The following ZNF431 variants were observed in gnomAD, a reference collection of about 807,000 sequenced individuals.
ZNF431 encodes zinc finger protein 431.
A neutral mutation model predicts 57.0 loss-of-function variants in ZNF431; 34 were observed. The observed-to-expected ratio is 0.60, with a 90% CI of 0.45 to 0.79. ZNF431 has a LOEUF of 0.79. ZNF431 is among the 30% of genes least tolerant of loss of function. ZNF431 has a pLI of 0.00. For synonymous variants in ZNF431, 207 were observed against 220.3 expected (o/e 0.94, Z 0.54); for missense variants, 607 against 667.1 (o/e 0.91, Z 0.99).
In ZNF431 at chr19:21,179,807, G is replaced by A. The variant is rs576425006; in HGVS notation, c.320-2816G>A. ...ACTCCCGACCTCAGGTGATCTGTCC[G>A]CCTCAGCCTCCCAAAGTGCTGGGAT... is the stretch of plus-strand genomic sequence containing the variant. On this transcript the variant is annotated intron_variant, in intron 4 of 4. Transcript: ENST00000311048. Among the ~76,000 whole-genome samples, 55 of 151,606 alleles carry A rather than the reference G, an allele frequency of 3.6e-4. 2 individuals are homozygous for A. The South Asian group carries it at 0.011, about 30-fold the overall frequency.
intron 4 of ZNF431, among the ~76,000 whole-genome samples, chr19:21,171,529 G>A (rs755375737): frequency 6.6e-6 from 1 of 151,702 alleles, no homozygotes; most frequent in Non-Finnish European, 1.5e-5. Flanking sequence ...ATCACGATCA[G>A]ATTATATGTG....
At chr19:21,157,817 C>G (rs1029840594) in intron 2 of ZNF431, among the ~76,000 whole-genome samples, 1 of 151,530 alleles carries the variant, frequency 6.6e-6, no homozygotes, top group Non-Finnish European at 1.5e-5. Flanking sequence ...CGTGAGCCAC[C>G]GCACCCGGCC....
intron 4 of ZNF431, chr19:21,175,494 G>A: frequency 1.4e-6 from 1 of 693,270 alleles, no homozygotes. Context: ...ATAAGTAAAT[G>A]TGTGCTGTGG....
At chr19:21,147,622 A>G (rs958229939) in intron 2 of ZNF431, among the ~76,000 whole-genome samples, 2 of 149,968 alleles carry the variant, frequency 1.3e-5, no homozygotes, top group Admixed American at 1.3e-4. Context: ...AAAAAAAACC[A>G]TGATTGACAA....
chr19:21,143,782 G>A (rs916051680), intron 2 of ZNF431, 139 bp downstream of exon 2: 2 of 533,838 alleles, frequency 3.7e-6, no homozygotes, highest in African/African-American at 3.9e-5. Flanking sequence ...TTGTCTTAGG[G>A]GGCAGAAAGA....
At chr19:21,155,885 T>C (rs1435293419) in intron 2 of ZNF431, among the ~76,000 whole-genome samples, 1 of 152,168 alleles carries the variant, frequency 6.6e-6, no homozygotes, top group African/African-American at 2.4e-5. Flanking sequence ...GGCTCTTCTC[T>C]CCTGCACACA....
chr19:21,163,407 T>C (rs181384578), intron 2 of ZNF431, among the ~76,000 whole-genome samples: 22 of 152,326 alleles, frequency 1.4e-4, no homozygotes, highest in South Asian at 4.1e-4. Context: ...CTGCTAATAA[T>C]GAACCCAGGG....
intron 2 of ZNF431, among the ~76,000 whole-genome samples, chr19:21,145,408 C>T (rs532515375): frequency 1.3e-5 from 2 of 152,298 alleles, no homozygotes; most frequent in African/African-American, 2.4e-5. Flanking sequence ...ACCCGAGAGG[C>T]GGAGCTTACA....
Position 21,194,322 on chromosome 19 carries a change from A to G in ZNF431, c.*10288A>G, listed in dbSNP as rs1971566243. The G allele has an allele frequency of 6.6e-6, 1 of 152,242 alleles. No homozygotes were observed. Among genetic ancestry groups the G allele is most frequent in the South Asian group, 2.1e-4 (1 of 4,836 alleles). 9.4% of individuals were successfully genotyped at this position (152,242 alleles called of 1,614,324 possible). ...ACCAGGGAGGTAAAATATCTCTACA[A>G]GAACTAGAAAACATTACTGAAAGTA... On this transcript the variant is annotated 3_prime_UTR_variant, in exon 5 of 5. Coordinates refer to ENST00000311048, the MANE Select transcript of ZNF431 (RefSeq NM_133473.4).
At position 21,183,474 on chromosome 19, in the gene ZNF431, A is replaced by G. The variant is rs1971271471; in HGVS notation, c.1171A>G (p.Lys391Glu). 1 of 1,613,946 alleles carries G rather than the reference A, an allele frequency of 6.2e-7. No individual in the cohort carries two copies. The highest frequency in any genetic ancestry group is 8.5e-7 in the Non-Finnish European group (1 of 1,179,948). ...TTGGTCCTCAACCCTTACTAAACAT[A>G]AAAGAATTCATACTGGAGAGAAACC... Reference protein sequence around the residue: ...FNWSSTLTKHKRIHTGEKPYK... With the variant: ...FNWSSTLTKHERIHTGEKPYK... The change falls in exon 5 of 5, where the codon AAA (lysine) becomes GAA (glutamate). Residue 391 changes from lysine (K) to glutamate (E), a missense_variant. Transcript: ENST00000311048.
At chr19:21,177,502 C>T (rs962996068) in intron 4 of ZNF431, among the ~76,000 whole-genome samples, 9 of 151,932 alleles carry the variant, frequency 5.9e-5, no homozygotes, top group African/African-American at 2.2e-4. Flanking sequence ...ATTCTCTTGA[C>T]TAGGCCAGGC....
intron 2 of ZNF431, 27 bp from the exon 3 acceptor site, chr19:21,166,308 G>T (rs756419412): frequency 1.2e-6 from 2 of 1,607,638 alleles, no homozygotes; most frequent in South Asian, 1.1e-5. Flanking sequence ...GTAAATATAT[G>T]TGTGTCTCTG....
intron 3 of ZNF431, among the ~76,000 whole-genome samples, chr19:21,166,910 C>A (rs943946734): frequency 6.6e-6 from 1 of 152,020 alleles, no homozygotes; most frequent in South Asian, 2.1e-4. Context: ...TCACCCAGGC[C>A]GGAGTGCAAT....
intron 2 of ZNF431, among the ~76,000 whole-genome samples, chr19:21,164,476 G>C (rs1259100412): frequency 6.6e-6 from 1 of 152,138 alleles, no homozygotes; most frequent in Non-Finnish European, 1.5e-5. Flanking sequence ...TTATAAAGGA[G>C]AGAAATGCAT....
Position 21,142,071 on chromosome 19 carries a change from C to A in ZNF431, c.-113C>A, listed in dbSNP as rs965123997. On this transcript the variant is annotated 5_prime_UTR_variant, in exon 1 of 5. Coordinates refer to ENST00000311048, the MANE Select transcript of ZNF431 (RefSeq NM_133473.4). ...CGCCGCAGCCTGAGCTCCAGGTCTC[C>A]CCTTCGCTGCTCTGTGTCCTCTGCT... 2 of 1,419,708 alleles carry A rather than the reference C, an allele frequency of 1.4e-6. No individual in the cohort carries two copies. The highest frequency in any genetic ancestry group is 2.0e-6 in the Non-Finnish European group (2 of 1,013,596). 87.9% of individuals were successfully genotyped at this position (1,419,708 alleles called of 1,614,324 possible). A position where few individuals can be genotyped will look rare whatever the true frequency, so the allele number is the denominator to read the frequency against.
At chr19:21,148,250 C>T (rs1055096302) in intron 2 of ZNF431, among the ~76,000 whole-genome samples, 3 of 152,246 alleles carry the variant, frequency 2.0e-5, no homozygotes, top group East Asian at 1.9e-4. Context: ...CCGCCTTGGC[C>T]TCCCAAAGTG....
chr19:21,170,768 G>C (rs1970864894), intron 4 of ZNF431, among the ~76,000 whole-genome samples: 1 of 151,870 alleles, frequency 6.6e-6, no homozygotes, highest in Non-Finnish European at 1.5e-5. Flanking sequence ...GCACCTCCCA[G>C]GTTATAGCTA....
In ZNF431 at chr19:21,189,966, A is replaced by G; in HGVS notation, c.*5932A>G. On this transcript the variant is annotated 3_prime_UTR_variant, in exon 5 of 5. Transcript: ENST00000311048. The stretch of plus-strand genomic sequence containing the variant: ...TGAGACCAGCCTGGACAACGTGGAA[A>G]AACCCCATCTCTACTAAAAATACAA... 1 of 397,700 alleles carries G rather than the reference A, an allele frequency of 2.5e-6. No homozygotes were observed. Among genetic ancestry groups the G allele is most frequent in the East Asian group, 3.6e-5 (1 of 28,068 alleles). 24.6% of individuals were successfully genotyped at this position (397,700 alleles called of 1,614,324 possible). A position where few individuals can be genotyped will look rare whatever the true frequency, so the allele number is the denominator to read the frequency against.
At chr19:21,181,302 T>C (rs1382102297) in intron 4 of ZNF431, among the ~76,000 whole-genome samples, 1 of 152,162 alleles carries the variant, frequency 6.6e-6, no homozygotes, top group African/African-American at 2.4e-5. Flanking sequence ...TTTTTCAGTA[T>C]TTGGTTATTT....
Sources: gnomAD v4.1 joint callset for allele counts (sites outside exome capture counted in the v4.1 genomes callset) on GRCh38, gnomAD v4.1.1 for gene constraint, MANE v1.5 for transcripts, NCBI Gene and HGNC (gene_info 2026-07-23, HGNC 2026-07-21) for gene names.